The following TAAR5 variants were observed in gnomAD, a reference collection of about 807,000 sequenced individuals.
TAAR5 encodes the protein trace amine-associated receptor 5.
TAAR5 carries 27 observed loss-of-function variants against 21.1 expected under a neutral mutation model. The ratio of observed to expected loss-of-function variants is 1.28; its 90% confidence interval spans 0.94 to 1.76. TAAR5 has a LOEUF of 1.76. Ranked by LOEUF, TAAR5 falls within the 40% of genes most tolerant of loss-of-function variation. The pLI, the probability that TAAR5 is intolerant of heterozygous loss-of-function variation, is 0.00. For synonymous variants in TAAR5, 203 were observed against 167.5 expected (o/e 1.21, Z -1.64); for missense variants, 495 against 405.6 (o/e 1.22, Z -1.89).
upstream of TAAR5, among the ~76,000 whole-genome samples, chr6:132,594,148 C>T (rs188624441): frequency 1.2e-4 from 18 of 152,272 alleles, no homozygotes; most frequent in African/African-American, 2.6e-4. Context: ...TTTGGAATCT[C>T]AGGAGTCAGT....
chr6:132,611,992 C>T, the TAAR5 span, among the ~76,000 whole-genome samples: 4 of 152,040 alleles, frequency 2.6e-5, no homozygotes, highest in Admixed American at 6.6e-5. Flanking sequence ...AATGTGTGTG[C>T]TTTTCTCTTG....
At chr6:132,605,907 C>T in the TAAR5 span, among the ~76,000 whole-genome samples, 1 of 152,090 alleles carries the variant, frequency 6.6e-6, no homozygotes, top group Non-Finnish European at 1.5e-5. Flanking sequence ...ATATATACAC[C>T]ATGGAAGACT....
chr6:132,597,838 G>C, the TAAR5 span, among the ~76,000 whole-genome samples: 2 of 152,138 alleles, frequency 1.3e-5, no homozygotes, highest in Non-Finnish European at 2.9e-5. Context: ...TTCTTTAAGG[G>C]AGAAGACGAT....
At chr6:132,615,468 T>C in the TAAR5 span, among the ~76,000 whole-genome samples, 1 of 151,812 alleles carries the variant, frequency 6.6e-6, no homozygotes, top group Non-Finnish European at 1.5e-5. Flanking sequence ...CCAGTTAAAA[T>C]GTCACAAATA....
At chr6:132,594,683 G>A (rs1776952492), upstream of TAAR5, 1 of 152,032 alleles carries the variant, frequency 6.6e-6, no homozygotes, top group African/African-American at 2.4e-5. Context: ...TGTTTTAGAG[G>A]ATGCCTTTTT....
At chr6:132,610,244 C>T in the TAAR5 span, among the ~76,000 whole-genome samples, 1 of 152,272 alleles carries the variant, frequency 6.6e-6, no homozygotes. Flanking sequence ...AAGCCACTCC[C>T]TAGCAGCCTC....
chr6:132,606,100 A>G, the TAAR5 span, among the ~76,000 whole-genome samples: 1 of 152,178 alleles, frequency 6.6e-6, no homozygotes, highest in Non-Finnish European at 1.5e-5. Flanking sequence ...ACTGGGGAAT[A>G]CAAGAGAGGA....
the TAAR5 span, among the ~76,000 whole-genome samples, chr6:132,596,610 T>A: frequency 6.6e-6 from 1 of 152,228 alleles, no homozygotes; most frequent in South Asian, 2.1e-4. Context: ...CATTATGACA[T>A]GTTTTATTTG....
the TAAR5 span, among the ~76,000 whole-genome samples, chr6:132,606,375 G>T: frequency 1.3e-5 from 2 of 152,168 alleles, no homozygotes; most frequent in African/African-American, 4.8e-5. Context: ...GGGTATAAAT[G>T]ATCTATCACT....
chr6:132,600,979 A>AGG, the TAAR5 span, among the ~76,000 whole-genome samples: 4 of 73,728 alleles, frequency 5.4e-5, no homozygotes, highest in African/African-American at 2.8e-4. Flanking sequence ...GAAGGAGGGA[A>AGG]AGAAGGAAGG....
chr6:132,608,868 T>C, the TAAR5 span: 3 of 455,828 alleles, frequency 6.6e-6, no homozygotes, highest in Non-Finnish European at 1.3e-5. Context: ...TTGTGTAATG[T>C]AAAGGGTAAC....
chr6:132,591,998 G>T (rs1170105370), upstream of TAAR5, among the ~76,000 whole-genome samples: 3 of 152,260 alleles, frequency 2.0e-5, no homozygotes, highest in East Asian at 1.9e-4. Context: ...ATCTAGTGCA[G>T]ATAACTGTTA....
the TAAR5 span, among the ~76,000 whole-genome samples, chr6:132,615,111 C>G: frequency 1.3e-5 from 2 of 152,152 alleles, no homozygotes; most frequent in African/African-American, 4.8e-5. Flanking sequence ...ATCCGCCTAC[C>G]TGGGCCTCCC....
At chr6:132,603,690 A>G in the TAAR5 span, among the ~76,000 whole-genome samples, 4 of 152,160 alleles carry the variant, frequency 2.6e-5, no homozygotes, top group African/African-American at 7.2e-5. Flanking sequence ...TTTTAAGTGG[A>G]AAGGCACAAG....
chr6:132,608,342 T>TA, the TAAR5 span: 9 of 455,836 alleles, frequency 2.0e-5, no homozygotes, highest in South Asian at 6.2e-5. Flanking sequence ...AACCATGGAT[T>TA]AAAAAAGCCA....
the TAAR5 span, among the ~76,000 whole-genome samples, chr6:132,601,922 C>T: frequency 1.3e-5 from 2 of 151,998 alleles, no homozygotes; most frequent in African/African-American, 4.8e-5. Flanking sequence ...GTCTGAAAGA[C>T]CAGAGAACAG....
In TAAR5 at chr6:132,589,256, G is replaced by A; in HGVS notation, c.431C>T (p.Ser144Phe). Residue 144 changes from serine (S) to phenylalanine (F), a missense_variant, in exon 1 of 1, where the codon TCC (serine) becomes TTC (phenylalanine). Physicochemically the swap from Ser to Phe is radical, Grantham distance 155. Transcript: ENST00000258034. ...GAGAGCCACCCTCACTGTGAACTTG[G>A]AGGGATAGAGCAGGGGGTCACAGAT... ...CAICDPLLYPSKFTVRVALRY... is the reference protein window; with the variant it reads ...CAICDPLLYPFKFTVRVALRY... 1 of 1,609,132 alleles carries A rather than the reference G, an allele frequency of 6.2e-7. No individual in the cohort carries two copies.
chr6:132,611,659 G>A, the TAAR5 span, among the ~76,000 whole-genome samples: 1 of 152,120 alleles, frequency 6.6e-6, no homozygotes, highest in Non-Finnish European at 1.5e-5. Context: ...TGGCATTTGA[G>A]GAAATAGCGG....
At chr6:132,593,913 C>T (rs955256479), upstream of TAAR5, among the ~76,000 whole-genome samples, 8 of 152,148 alleles carry the variant, frequency 5.3e-5, no homozygotes, top group East Asian at 3.9e-4. Context: ...TCTCCCTTTC[C>T]GCATCACTAG....
Sources: allele counts gnomAD v4.1 joint callset (sites outside exome capture counted in the v4.1 genomes callset), GRCh38; gene constraint gnomAD v4.1.1; transcripts MANE v1.5; gene names NCBI Gene and HGNC (gene_info 2026-07-23, HGNC 2026-07-21).